ZNF469: variants seen among roughly 807,000 people sequenced by gnomAD.
The protein encoded by ZNF469 is zinc finger protein 469.
In ZNF469, 1 loss-of-function variant was observed where a neutral mutation model predicts 1.0. That is an observed-to-expected ratio of 1.00 (90% CI 0.35 to 4.73). The LOEUF (loss-of-function observed/expected upper bound fraction) is 4.73, where lower values mean the gene tolerates loss of function less well. Among genes scored for constraint, ZNF469 ranks in the 30% most tolerant of loss-of-function variants. The pLI is 0.16. For synonymous variants in ZNF469, 2,703 were observed against 2,363.4 expected (o/e 1.14, Z -4.17); for missense variants, 6,100 against 5,356.3 (o/e 1.14, Z -4.33).
the ZNF469 span, among the ~76,000 whole-genome samples, chr16:88,106,586 T>C: frequency 1.3e-5 from 2 of 152,258 alleles, no homozygotes; most frequent in South Asian, 4.1e-4. Flanking sequence ...GCGGCTTTTC[T>C]GCAATGCTGC....
intron 1 of ZNF469, among the ~76,000 whole-genome samples, chr16:88,397,976 G>C (rs1353338813): frequency 6.6e-6 from 1 of 152,218 alleles, no homozygotes; most frequent in African/African-American, 2.4e-5. Flanking sequence ...CCTGCCCAGA[G>C]CCGGGCACAG....
the ZNF469 span, among the ~76,000 whole-genome samples, chr16:88,256,934 CT>C: frequency 3.4e-4 from 5 of 14,844 alleles, 1 homozygote; most frequent in Non-Finnish European, 7.4e-4. Flanking sequence ...TTCTTTCTTT[CT>C]TTCTTTCTTT....
the ZNF469 span, among the ~76,000 whole-genome samples, chr16:88,179,380 C>T: frequency 6.6e-6 from 1 of 152,190 alleles, no homozygotes; most frequent in African/African-American, 2.4e-5. Flanking sequence ...TCCCACTGTG[C>T]CCTCTGCACA....
At chr16:88,363,818 C>T in the ZNF469 span, among the ~76,000 whole-genome samples, 2 of 152,190 alleles carry the variant, frequency 1.3e-5, no homozygotes, top group East Asian at 1.9e-4. Flanking sequence ...ATTCCCTCTC[C>T]AGCACCTCTG....
At chr16:88,353,026 G>A in the ZNF469 span, among the ~76,000 whole-genome samples, 10 of 152,310 alleles carry the variant, frequency 6.6e-5, no homozygotes, top group Admixed American at 2.6e-4. Context: ...GGCAGGCCCC[G>A]GTGAGACTGC....
At chr16:88,230,517 C>A in the ZNF469 span, among the ~76,000 whole-genome samples, 2 of 151,578 alleles carry the variant, frequency 1.3e-5, no homozygotes, top group East Asian at 3.9e-4. Flanking sequence ...TGGAACGCAC[C>A]AAGGAGTGGG....
At chr16:88,111,723 G>A in the ZNF469 span, among the ~76,000 whole-genome samples, 4 of 152,098 alleles carry the variant, frequency 2.6e-5, no homozygotes, top group African/African-American at 7.2e-5. Context: ...TGCAACCTCC[G>A]ACTCCCGGGT....
chr16:88,423,962 G>C (rs1157622164), intron 1 of ZNF469, among the ~76,000 whole-genome samples: 3 of 152,272 alleles, frequency 2.0e-5, no homozygotes, highest in African/African-American at 7.2e-5. Flanking sequence ...ACCTCTTGAA[G>C]GGAGGAGTGT....
chr16:88,132,030 C>T, the ZNF469 span, among the ~76,000 whole-genome samples: 41 of 152,344 alleles, frequency 2.7e-4, no homozygotes, highest in Admixed American at 4.6e-4. Context: ...AGCGGCAGGA[C>T]GGCACTCCCA....
chr16:88,163,850 G>A, the ZNF469 span, among the ~76,000 whole-genome samples: 1 of 151,474 alleles, frequency 6.6e-6, no homozygotes, highest in Non-Finnish European at 1.5e-5. Context: ...ACAGACGGAT[G>A]AGTGGATGGA....
At chr16:88,167,066 T>TTC in the ZNF469 span, among the ~76,000 whole-genome samples, 1 of 139,160 alleles carries the variant, frequency 7.2e-6, no homozygotes, top group East Asian at 2.1e-4. Context: ...TTTTTTTTTT[T>TTC]TTTTTTTTTT....
chr16:88,181,583 A>G, the ZNF469 span, among the ~76,000 whole-genome samples: 1 of 152,182 alleles, frequency 6.6e-6, no homozygotes, highest in African/African-American at 2.4e-5. Context: ...AAAAATCCAA[A>G]GAGAAATTAG....
intron 1 of ZNF469, among the ~76,000 whole-genome samples, chr16:88,393,792 C>T (rs757905991): frequency 5.3e-5 from 8 of 152,240 alleles, no homozygotes; most frequent in African/African-American, 7.2e-5. Context: ...CGGTGTGCGA[C>T]GGCCATCATG....
the ZNF469 span, among the ~76,000 whole-genome samples, chr16:88,352,751 C>A: frequency 6.6e-6 from 1 of 152,240 alleles, no homozygotes; most frequent in Non-Finnish European, 1.5e-5. Context: ...TCTCTCCCCT[C>A]TTCTCCCTCC....
At chr16:88,322,395 G>A in the ZNF469 span, among the ~76,000 whole-genome samples, 19 of 152,356 alleles carry the variant, frequency 1.2e-4, 1 homozygote, top group East Asian at 1.7e-3. Context: ...ACCTGCTCTC[G>A]CGGTCTCGGG....
At chr16:88,242,355 C>T in the ZNF469 span, among the ~76,000 whole-genome samples, 277 of 152,340 alleles carry the variant, frequency 1.8e-3, 2 homozygotes, top group Non-Finnish European at 3.5e-3. Flanking sequence ...GGCCAGAGTC[C>T]GAGTCAGGGT....
At chr16:88,366,535 AT>A in the ZNF469 span, among the ~76,000 whole-genome samples, 6 of 117,666 alleles carry the variant, frequency 5.1e-5, 1 homozygote, top group Middle Eastern at 7.9e-3. Flanking sequence ...CATCATCATC[AT>A]CACCACCACC....
At chr16:88,391,534 TTCA>T (rs1218342880) in intron 1 of ZNF469, among the ~76,000 whole-genome samples, 1 of 152,248 alleles carries the variant, frequency 6.6e-6, no homozygotes, top group Non-Finnish European at 1.5e-5. Context: ...TGGTGTCCTC[TTCA>T]TCAAGTGGAG....
chr16:88,427,889 C>G lies in ZNF469; in HGVS notation c.419C>G (p.Pro140Arg), dbSNP rs1461017061. 14 of 1,549,714 alleles carry G rather than the reference C, an allele frequency of 9.0e-6. No individual in the cohort carries two copies. Among genetic ancestry groups the G allele is most frequent in the Non-Finnish European group, 1.2e-5 (14 of 1,146,838 alleles). The part of the protein sequence containing the change: ...KPTLDETPEN[P>R]QLEAAQLPEV... ...ACCCTGGACGAGACACCAGAGAACCCACAGCTGGAGGCTGCCCAGCTCCCT... is the reference window on the plus strand; with the variant it reads ...ACCCTGGACGAGACACCAGAGAACCGACAGCTGGAGGCTGCCCAGCTCCCT... The change falls in exon 3 of 3, where the codon CCA becomes CGA. Residue 140 changes from proline to arginine, a missense_variant. Coordinates refer to ENST00000565624, the MANE Select transcript of ZNF469 (RefSeq NM_001367624.2).
Sources: gnomAD v4.1 joint callset for allele counts (sites outside exome capture counted in the v4.1 genomes callset) on GRCh38, gnomAD v4.1.1 for gene constraint, MANE v1.5 for transcripts, NCBI Gene and HGNC (gene_info 2026-07-23, HGNC 2026-07-21) for gene names.